Variants in SYTL2 observed in about 807,000 individuals in gnomAD.
SYTL2 encodes synaptotagmin like 2.
A neutral mutation model predicts 198.7 loss-of-function variants in SYTL2; 165 were observed. The ratio of observed to expected loss-of-function variants is 0.83; its 90% confidence interval spans 0.73 to 0.94. The LOEUF is 0.94. Ranked by LOEUF, SYTL2 falls within the 40% of genes least tolerant of loss-of-function variation. The probability of loss-of-function intolerance (pLI) is 0.00; values close to 1 mark genes in which losing one functional copy is unlikely to be tolerated. For synonymous variants in SYTL2, 966 were observed against 917.7 expected (o/e 1.05, Z -0.95); for missense variants, 2,835 against 2,582.8 (o/e 1.10, Z -2.12).
chr11:85,842,612 C>T, the SYTL2 span, among the ~76,000 whole-genome samples: 1 of 152,318 alleles, frequency 6.6e-6, no homozygotes, highest in Non-Finnish European at 1.5e-5. Context: ...CACTAAAACC[C>T]CCATATAAGG....
chr11:85,821,269 A>C, the SYTL2 span, among the ~76,000 whole-genome samples: 1 of 152,232 alleles, frequency 6.6e-6, no homozygotes, highest in Admixed American at 6.5e-5. Context: ...GTAATGGTTT[A>C]TCTTCAGTTT....
intron 15 of SYTL2, among the ~76,000 whole-genome samples, chr11:85,705,841 G>A (rs2085050749): frequency 6.6e-6 from 1 of 152,054 alleles, no homozygotes; most frequent in South Asian, 2.1e-4. Context: ...AAATAGCCAG[G>A]GTACTAGGGT....
In SYTL2 at chr11:85,811,120, G is replaced by T. The variant is rs1233045131; in HGVS notation, c.-556C>A. 2 of 152,172 alleles carry T rather than the reference G, an allele frequency of 1.3e-5. No homozygotes were observed. The highest frequency in any genetic ancestry group is 2.9e-5 in the Non-Finnish European group (2 of 68,028). The allele number at this position is 152,172 out of a possible 1,614,324, so 9.4% of individuals were successfully genotyped here. A position where few individuals can be genotyped will look rare whatever the true frequency, so the allele number is the denominator to read the frequency against. On this transcript the variant is annotated 5_prime_UTR_variant, in exon 1 of 20. Coordinates refer to ENST00000359152, the MANE Select transcript of SYTL2 (RefSeq NM_206927.4). ...CTCTCCCGACGGACGCTGGCGGCACGGCCCGGGTGTCGCCCGGCACTGTCA... is the reference window on the plus strand; with the variant it reads ...CTCTCCCGACGGACGCTGGCGGCACTGCCCGGGTGTCGCCCGGCACTGTCA...
intron 1 of SYTL2, among the ~76,000 whole-genome samples, chr11:85,760,019 G>T (rs1327946061): frequency 6.6e-6 from 1 of 152,128 alleles, no homozygotes; most frequent in Non-Finnish European, 1.5e-5. Flanking sequence ...TCCTAATGTT[G>T]GGCTTGGCCT....
chr11:85,730,184 T>C (rs1006421213), intron 7 of SYTL2, among the ~76,000 whole-genome samples: 3 of 152,176 alleles, frequency 2.0e-5, no homozygotes, highest in African/African-American at 7.2e-5. Flanking sequence ...GCTGGTACCA[T>C]TCGTTCTGAA....
At chr11:85,717,681 A>C (rs2087567670) in intron 10 of SYTL2, 151 bp from the exon 11 acceptor site, 1 of 707,648 alleles carries the variant, frequency 1.4e-6, no homozygotes, top group Admixed American at 1.9e-5. Context: ...CCTCACTGTG[A>C]CTCTTCTTCA....
intron 1 of SYTL2, among the ~76,000 whole-genome samples, chr11:85,776,939 G>C (rs189863665): frequency 6.6e-6 from 1 of 152,168 alleles, no homozygotes; most frequent in African/African-American, 2.4e-5. Flanking sequence ...GAGGGGTAGT[G>C]AAGAGATCAG....
At chr11:85,759,128 C>T (rs984896780) in intron 1 of SYTL2, among the ~76,000 whole-genome samples, 49 of 151,868 alleles carry the variant, frequency 3.2e-4, no homozygotes, top group African/African-American at 1.1e-3. Flanking sequence ...CGCCTGTAAT[C>T]CCAGCTACTC....
chr11:85,843,758 C>T, the SYTL2 span, among the ~76,000 whole-genome samples: 182 of 152,306 alleles, frequency 1.2e-3, 6 homozygotes, highest in South Asian at 0.026. Context: ...TGAGAACCTA[C>T]TATGTGCCAG....
intron 16 of SYTL2, among the ~76,000 whole-genome samples, chr11:85,704,440 T>C (rs1195744496): frequency 2.6e-5 from 4 of 152,150 alleles, no homozygotes. Context: ...GTAACTCTCC[T>C]AGTAATTCAC....
At position 85,698,818 on chromosome 11, in the gene SYTL2, C is replaced by T. The variant is rs1056961418; in HGVS notation, c.6269-740G>A. ...CCTCCTAAAGTGTTGGGATTACAGG[C>T]GTGAGCCACCACCCCCAGTCAAGAG... is the stretch of plus-strand genomic sequence containing the variant. On this transcript the variant is annotated intron_variant, in intron 17 of 19. Coordinates refer to ENST00000359152, the MANE Select transcript of SYTL2 (RefSeq NM_206927.4). Among the ~76,000 whole-genome samples, 10 of 152,342 alleles carry T rather than the reference C, an allele frequency of 6.6e-5. No individual in the cohort carries two copies. The East Asian group carries it at 1.5e-3, about 24-fold the overall frequency.
At chr11:85,834,207 T>C in the SYTL2 span, among the ~76,000 whole-genome samples, 21 of 152,240 alleles carry the variant, frequency 1.4e-4, no homozygotes, top group South Asian at 6.2e-4. Context: ...ATAAGACAGA[T>C]TGAAAAAGAA....
chr11:85,823,431 T>G, the SYTL2 span, among the ~76,000 whole-genome samples: 24 of 152,330 alleles, frequency 1.6e-4, 1 homozygote, highest in South Asian at 5.0e-3. Flanking sequence ...ACTTTCTACA[T>G]TAAGATCATT....
chr11:85,833,413 ATATATG>A, the SYTL2 span, among the ~76,000 whole-genome samples: 7 of 148,428 alleles, frequency 4.7e-5, no homozygotes, highest in Non-Finnish European at 7.4e-5. Context: ...TATATATCAT[ATATATG>A]TATATCACAT....
chr11:85,764,927 C>T (rs561352695), intron 1 of SYTL2, among the ~76,000 whole-genome samples: 3 of 152,286 alleles, frequency 2.0e-5, no homozygotes, highest in East Asian at 3.9e-4. Flanking sequence ...TTGTAATATG[C>T]GTACACAGAA....
intron 1 of SYTL2, among the ~76,000 whole-genome samples, chr11:85,795,187 T>G (rs1042879530): frequency 6.6e-6 from 1 of 152,186 alleles, no homozygotes; most frequent in Admixed American, 6.5e-5. Flanking sequence ...ATATAAGTAT[T>G]AGCTGTTATT....
intron 1 of SYTL2, among the ~76,000 whole-genome samples, chr11:85,770,853 G>A (rs987807177): frequency 1.3e-5 from 2 of 152,082 alleles, no homozygotes; most frequent in Non-Finnish European, 2.9e-5. Context: ...ATACTTATCC[G>A]TACATCTCTC....
intron 7 of SYTL2, among the ~76,000 whole-genome samples, chr11:85,730,375 C>G (rs1199445275): frequency 6.6e-6 from 1 of 152,188 alleles, no homozygotes; most frequent in African/African-American, 2.4e-5. Flanking sequence ...TCCAGCAGCA[C>G]ATCAAAAAGC....
the SYTL2 span, among the ~76,000 whole-genome samples, chr11:85,817,986 C>T: frequency 1.3e-5 from 2 of 149,712 alleles, no homozygotes; most frequent in African/African-American, 2.5e-5. Flanking sequence ...TCACTGCAAC[C>T]TCTACCTCCC....
Sources: allele counts gnomAD v4.1 joint callset (sites outside exome capture counted in the v4.1 genomes callset), GRCh38; gene constraint gnomAD v4.1.1; transcripts MANE v1.5; gene names NCBI Gene and HGNC (gene_info 2026-07-23, HGNC 2026-07-21).